The following WDR7 variants were observed in gnomAD, a reference collection of about 807,000 sequenced individuals.
WDR7 encodes WD repeat domain 7.
WDR7 carries 46 observed loss-of-function variants against 169.4 expected under a neutral mutation model. The observed-to-expected ratio is 0.27, with a 90% CI of 0.21 to 0.35. WDR7 has a LOEUF of 0.35. Among genes scored for constraint, WDR7 ranks in the 10% least tolerant of loss-of-function variants. The pLI, the probability that WDR7 is intolerant of heterozygous loss-of-function variation, is 1.00. For synonymous variants in WDR7, 612 were observed against 666.8 expected (o/e 0.92, Z 1.27); for missense variants, 1,534 against 1,859.3 (o/e 0.83, Z 3.22).
At chr18:56,846,425 A>C (rs906889831) in intron 20 of WDR7, among the ~76,000 whole-genome samples, 2 of 152,084 alleles carry the variant, frequency 1.3e-5, no homozygotes, top group African/African-American at 2.4e-5. Context: ...ACGAGATCCC[A>C]TGGGTTTATC....
At chr18:56,746,642 A>G (rs1031969630) in intron 14 of WDR7, among the ~76,000 whole-genome samples, 1 of 152,210 alleles carries the variant, frequency 6.6e-6, no homozygotes, top group Admixed American at 6.5e-5. Flanking sequence ...AGACAGGGGC[A>G]GTTGGGTCTT....
intron 26 of WDR7, among the ~76,000 whole-genome samples, chr18:56,996,891 T>C (rs1284950964): frequency 1.3e-5 from 2 of 152,192 alleles, no homozygotes; most frequent in Non-Finnish European, 2.9e-5. Flanking sequence ...TTGCTAATGT[T>C]TCACTTGAGT....
chr18:56,736,176 A>T (rs1399452928), intron 14 of WDR7, among the ~76,000 whole-genome samples: 1 of 152,136 alleles, frequency 6.6e-6, no homozygotes, highest in African/African-American at 2.4e-5. Context: ...TTGCCTCTGA[A>T]ACTCTATGTG....
At chr18:56,687,051 A>G in intron 7 of WDR7, 77 bp downstream of exon 7, 2 of 1,357,968 alleles carry the variant, frequency 1.5e-6, no homozygotes, top group Non-Finnish European at 1.0e-6. Flanking sequence ...AAAGAACCCT[A>G]AAGAAGTACT....
rs1156741562 is a variant in WDR7 at position 56,686,837 on chromosome 18, A to G, written c.598-18A>G. On this transcript the variant is annotated intron_variant, in intron 6 of 27. Coordinates refer to ENST00000254442, the MANE Select transcript of WDR7 (RefSeq NM_015285.3). Reference sequence around the variant, plus strand: ...ACAATCATGCTATTCCTAAATTTTTACAAATCTTTCTTTTCAGGATACTGA... The same window carrying G: ...ACAATCATGCTATTCCTAAATTTTTGCAAATCTTTCTTTTCAGGATACTGA... 6 of 1,436,028 alleles carry G rather than the reference A, an allele frequency of 4.2e-6. No individual in the cohort carries two copies. Among genetic ancestry groups the G allele is most frequent in the Middle Eastern group, 1.8e-4 (1 of 5,674 alleles). 89.0% of individuals were successfully genotyped at this position (1,436,028 alleles called of 1,614,324 possible).
chr18:56,826,934 G>A lies in WDR7; in HGVS notation c.3304+10790G>A, dbSNP rs544965099. Among the ~76,000 whole-genome samples the A allele has an allele frequency of 1.0e-3, 156 of 152,286 alleles. 1 individual carries two copies. The highest frequency in any genetic ancestry group is 3.6e-3 in the African/African-American group (148 of 41,576). On this transcript the variant is annotated intron_variant, in intron 20 of 27. Coordinates refer to ENST00000254442, the MANE Select transcript of WDR7 (RefSeq NM_015285.3). The stretch of plus-strand genomic sequence containing the variant: ...ATAAAGCAAGCCTCTAGATGAGAAG[G>A]CAATGATCAAATTTTAGATATGTCT...
intron 16 of WDR7, among the ~76,000 whole-genome samples, chr18:56,768,343 C>T (rs2044100060): frequency 6.6e-6 from 1 of 152,090 alleles, no homozygotes; most frequent in African/African-American, 2.4e-5. Context: ...TAAATGAAGG[C>T]CAGCAGTTCC....
chr18:56,761,519 T>G (rs1212891542), intron 16 of WDR7, among the ~76,000 whole-genome samples: 2 of 152,250 alleles, frequency 1.3e-5, no homozygotes, highest in African/African-American at 4.8e-5. Flanking sequence ...AGTTTCTCAA[T>G]TGCCTCAAAA....
chr18:56,967,986 A>G (rs931103994), intron 26 of WDR7, among the ~76,000 whole-genome samples: 2 of 152,200 alleles, frequency 1.3e-5, no homozygotes, highest in Non-Finnish European at 2.9e-5. Flanking sequence ...AATATTTTCC[A>G]TCAGCAGTTG....
In WDR7 at chr18:56,690,415, T is replaced by C. The variant is rs560667208; in HGVS notation, c.718-801T>C. 3.9e-5 allele frequency among the ~76,000 whole-genome samples: 6 copies of C among 152,196 alleles called. No individual in the cohort carries two copies. The South Asian group carries it at 1.2e-3, about 31-fold the overall frequency. ...ATGTGAAAATTATTACATAGTAAAA[T>C]TGAGCCTGTTAACTATAGTATTTTA... On this transcript the variant is annotated intron_variant, in intron 7 of 27. Transcript: ENST00000254442.
chr18:56,673,831 A>C (rs879400757), intron 2 of WDR7, among the ~76,000 whole-genome samples: 36 of 152,154 alleles, frequency 2.4e-4, no homozygotes, highest in Non-Finnish European at 4.7e-4. Context: ...TCTCCAAAAA[A>C]AAAAAAGTCA....
intron 14 of WDR7, among the ~76,000 whole-genome samples, chr18:56,744,218 GAC>G (rs1330761560): frequency 1.4e-5 from 2 of 138,142 alleles, no homozygotes; most frequent in Non-Finnish European, 3.1e-5. Context: ...CAGCCTGGGT[GAC>G]AGAGCGAGAC....
chr18:56,819,057 A>G (rs1184347433), intron 20 of WDR7, among the ~76,000 whole-genome samples: 2 of 152,170 alleles, frequency 1.3e-5, no homozygotes, highest in African/African-American at 4.8e-5. Context: ...CAATTAAAAT[A>G]TGAGGTATAA....
intron 19 of WDR7, among the ~76,000 whole-genome samples, chr18:56,811,990 TACAAAAA>T (rs2044876718): frequency 6.6e-6 from 1 of 152,222 alleles, no homozygotes; most frequent in Non-Finnish European, 1.5e-5. Context: ...TGTTGATATC[TACAAAAA>T]ACTTACTGGG....
intron 26 of WDR7, among the ~76,000 whole-genome samples, chr18:56,998,633 T>C (rs1042919526): frequency 2.0e-5 from 3 of 152,214 alleles, no homozygotes; most frequent in Admixed American, 2.0e-4. Flanking sequence ...TCCACTTCAA[T>C]GAGTTTGCCA....
At position 56,851,678 on chromosome 18, in the gene WDR7, T is replaced by A. The variant is rs17090384; in HGVS notation, c.3305-28266T>A. Among the ~76,000 whole-genome samples the A allele has an allele frequency of 2.7e-3, 416 of 152,316 alleles. 2 individuals are homozygous for A. The highest frequency in any genetic ancestry group is 9.6e-3 in the African/African-American group (399 of 41,576). On this transcript the variant is annotated intron_variant, in intron 20 of 27. Transcript: ENST00000254442. ...TCATGATGTCCCTAAATGCCTGTAATGTCATACAAAATGTCAGGGTTATGA... is the reference window on the plus strand; with the variant it reads ...TCATGATGTCCCTAAATGCCTGTAAAGTCATACAAAATGTCAGGGTTATGA...
At chr18:57,026,081 G>T (rs1299648625) in intron 27 of WDR7, among the ~76,000 whole-genome samples, 35 of 152,170 alleles carry the variant, frequency 2.3e-4, no homozygotes, top group Admixed American at 2.3e-3. Context: ...CACACATAAT[G>T]CTATTGAAGA....
intron 13 of WDR7, among the ~76,000 whole-genome samples, chr18:56,722,134 T>A (rs191502268): frequency 6.6e-6 from 1 of 152,358 alleles, no homozygotes; most frequent in African/African-American, 2.4e-5. Flanking sequence ...TGTATGTCTT[T>A]TGAAAAACAT....
At chr18:57,004,469 T>C (rs768165781) in intron 26 of WDR7, among the ~76,000 whole-genome samples, 2 of 152,146 alleles carry the variant, frequency 1.3e-5, no homozygotes, top group Non-Finnish European at 2.9e-5. Context: ...CTCTTGGCTT[T>C]TGGAAACTGG....
Sources: allele counts gnomAD v4.1 joint callset (sites outside exome capture counted in the v4.1 genomes callset), GRCh38; gene constraint gnomAD v4.1.1; transcripts MANE v1.5; gene names NCBI Gene and HGNC (gene_info 2026-07-23, HGNC 2026-07-21).